Variants in FAM227B observed in about 807,000 individuals in gnomAD.
FAM227B encodes the protein family with sequence similarity 227 member B.
FAM227B carries 88 observed loss-of-function variants against 73.8 expected under a neutral mutation model. That is an observed-to-expected ratio of 1.19 (90% confidence interval 1.00 to 1.42). The LOEUF is 1.42. Among genes scored for constraint, FAM227B ranks in the 40% most tolerant of loss-of-function variants. The probability of loss-of-function intolerance (pLI) is 0.00; values close to 1 mark genes in which losing one functional copy is unlikely to be tolerated. For synonymous variants in FAM227B, 210 were observed against 190.5 expected, an observed-to-expected ratio of 1.10 and a Z score of -0.84; for missense variants, 632 against 590.9, an observed-to-expected ratio of 1.07 and a Z score of -0.72.
chr15:49,575,950 G>T (rs1190083321), intron 7 of FAM227B, among the ~76,000 whole-genome samples: 1 of 152,160 alleles, frequency 6.6e-6, no homozygotes, highest in African/African-American at 2.4e-5. Flanking sequence ...TTTAATGCCA[G>T]ATTGAGTAAC....
intron 10 of FAM227B, among the ~76,000 whole-genome samples, chr15:49,516,340 C>T (rs750443588): frequency 2.6e-5 from 4 of 152,050 alleles, no homozygotes; most frequent in Non-Finnish European, 4.4e-5. Context: ...TTTAGCAATT[C>T]ACTAAAAATT....
chr15:49,590,803 C>T (rs2076477410), intron 3 of FAM227B, among the ~76,000 whole-genome samples: 1 of 151,976 alleles, frequency 6.6e-6, no homozygotes, highest in African/African-American at 2.4e-5. Context: ...AACTTTGCAC[C>T]CTTTAATCCA....
In FAM227B at chr15:49,528,426, T is replaced by A. The variant is rs147004041; in HGVS notation, c.874+13254A>T. ...AAAAAAAAACTAGGAAGAATTCTTC[T>A]TGACATTGTCTTGGGCAAAGAATTT... On this transcript the variant is annotated intron_variant, in intron 10 of 15. Transcript: ENST00000299338. Among the ~76,000 whole-genome samples, 35 of 151,796 alleles carry A rather than the reference T, an allele frequency of 2.3e-4. 1 individual carries two copies. In the East Asian group the frequency reaches 6.6e-3, roughly 28 times the overall value.
intron 10 of FAM227B, among the ~76,000 whole-genome samples, chr15:49,534,965 G>A (rs1054698841): frequency 6.6e-6 from 1 of 151,470 alleles, no homozygotes; most frequent in African/African-American, 2.4e-5. Context: ...GAAATGTATA[G>A]CAACGAATGC....
chr15:49,597,396 A>G (rs577181069), intron 3 of FAM227B, among the ~76,000 whole-genome samples: 1 of 152,178 alleles, frequency 6.6e-6, no homozygotes, highest in South Asian at 2.1e-4. Context: ...TGAAATCAAG[A>G]TGGAAATTTA....
rs1400464814 is a variant in FAM227B at position 49,549,969 on chromosome 15, C to T, written c.748-8163G>A. On this transcript the variant is annotated intron_variant, in intron 9 of 15. Transcript: ENST00000299338. The stretch of plus-strand genomic sequence containing the variant: ...GGCTGGCCGGGCGGGGGGCTGACCC[C>T]CCCACCTCCCTCCCAGACGGGGCGG... Among the ~76,000 whole-genome samples, 3 of 109,748 alleles carry T rather than the reference C, an allele frequency of 2.7e-5. No homozygotes were observed. In the East Asian group the frequency reaches 7.8e-4, roughly 29 times the overall value. 72.0% of individuals were successfully genotyped at this position (109,748 alleles called of 152,430 possible).
intron 11 of FAM227B, among the ~76,000 whole-genome samples, chr15:49,420,889 G>T (rs1317076724): frequency 2.6e-5 from 4 of 151,990 alleles, no homozygotes; most frequent in Non-Finnish European, 4.4e-5. Context: ...TGTATTTTTA[G>T]TAGAGACGGG....
intron 11 of FAM227B, chr15:49,487,008 T>G (rs2056452572): frequency 6.6e-6 from 1 of 151,978 alleles, no homozygotes; most frequent in Non-Finnish European, 1.5e-5. Context: ...ACATGCTTTC[T>G]ACTCTTCGAT....
intron 11 of FAM227B, among the ~76,000 whole-genome samples, chr15:49,395,306 T>C (rs2047501973): frequency 6.6e-6 from 1 of 152,182 alleles, no homozygotes; most frequent in Non-Finnish European, 1.5e-5. Flanking sequence ...CTTTTGCTTC[T>C]CAGTAAGATA....
intron 11 of FAM227B, among the ~76,000 whole-genome samples, chr15:49,389,247 C>A (rs943297484): frequency 3.3e-5 from 5 of 151,950 alleles, no homozygotes; most frequent in Non-Finnish European, 7.4e-5. Flanking sequence ...ACCTAAGTAC[C>A]CATCAACTAA....
At chr15:49,609,740 A>G (rs1413990068) in intron 3 of FAM227B, among the ~76,000 whole-genome samples, 2 of 151,964 alleles carry the variant, frequency 1.3e-5, no homozygotes, top group Non-Finnish European at 2.9e-5. Flanking sequence ...TTATTCCTGA[A>G]TATTTTCAAA....
intron 11 of FAM227B, among the ~76,000 whole-genome samples, chr15:49,392,640 T>TA (rs1229708722): frequency 1.3e-5 from 2 of 152,200 alleles, no homozygotes; most frequent in Admixed American, 1.3e-4. Context: ...TATCCAAGTG[T>TA]AAGAAGCTTT....
intron 10 of FAM227B, among the ~76,000 whole-genome samples, chr15:49,511,164 A>G (rs957215901): frequency 2.6e-5 from 4 of 152,104 alleles, no homozygotes; most frequent in African/African-American, 4.8e-5. Context: ...CTTTTTGAAT[A>G]TAATATAGAG....
At chr15:49,599,066 G>A (rs1413892359) in intron 3 of FAM227B, among the ~76,000 whole-genome samples, 2 of 151,906 alleles carry the variant, frequency 1.3e-5, no homozygotes, top group African/African-American at 4.8e-5. Context: ...TAAAGTTAAA[G>A]GGTCCTGGGC....
chr15:49,548,135 C>T (rs761038861), intron 9 of FAM227B, among the ~76,000 whole-genome samples: 1 of 152,156 alleles, frequency 6.6e-6, no homozygotes, highest in African/African-American at 2.4e-5. Context: ...CCCCATTCAG[C>T]ATGATACTAG....
In FAM227B at chr15:49,328,312, T is replaced by C. The variant is rs2037883895; in HGVS notation, c.*256A>G. On this transcript the variant is annotated 3_prime_UTR_variant, in exon 16 of 16. Coordinates refer to ENST00000299338, the MANE Select transcript of FAM227B (RefSeq NM_152647.3). ...TATTTTCAAAGAAATGGTTGAAAGC[T>C]CTCTATGCTTCATAATGATTCTTTT... The C allele has an allele frequency of 7.7e-6, 11 of 1,433,574 alleles. No homozygotes were observed. Among genetic ancestry groups the C allele is most frequent in the Non-Finnish European group, 1.0e-5 (11 of 1,097,576 alleles). 88.8% of individuals were successfully genotyped at this position (1,433,574 alleles called of 1,614,324 possible).
chr15:49,465,060 A>G (rs1231331990), intron 11 of FAM227B, among the ~76,000 whole-genome samples: 2 of 152,158 alleles, frequency 1.3e-5, no homozygotes, highest in Non-Finnish European at 2.9e-5. Context: ...ATATAAAATC[A>G]TAATATGGAT....
chr15:49,483,101 T>C (rs2056098146), intron 11 of FAM227B: 1 of 1,031,100 alleles, frequency 9.7e-7, no homozygotes, highest in Non-Finnish European at 1.5e-6. Context: ...TCGTGGATCA[T>C]TTGCAAAACT....
rs149672435 is a variant in FAM227B at position 49,403,621 on chromosome 15, T to C, written c.1013-32222A>G. On this transcript the variant is annotated intron_variant, in intron 11 of 15. Transcript: ENST00000299338. ...CTAGGGGTAATATCCCCTTTGTCTT[T>C]TGTGATTGTGTTTGTTTGGATCTTC... 1.8e-3 allele frequency among the ~76,000 whole-genome samples: 270 copies of C among 152,282 alleles called. 1 individual carries two copies. The highest frequency in any genetic ancestry group is 6.0e-3 in the African/African-American group (251 of 41,538).
Sources: allele counts gnomAD v4.1 joint callset (sites outside exome capture counted in the v4.1 genomes callset), GRCh38; gene constraint gnomAD v4.1.1; transcripts MANE v1.5; gene names NCBI Gene and HGNC (gene_info 2026-07-23, HGNC 2026-07-21).